AKAP6: variants seen among roughly 807,000 people sequenced by gnomAD.
AKAP6 encodes A-kinase anchoring protein 6.
A neutral mutation model predicts 188.5 loss-of-function variants in AKAP6; 58 were observed. The ratio of observed to expected loss-of-function variants is 0.31; its 90% confidence interval spans 0.25 to 0.38. AKAP6 has a LOEUF of 0.38. AKAP6 is among the 10% of genes least tolerant of loss of function. AKAP6 has a pLI of 1.00. For synonymous variants in AKAP6, 989 were observed against 998.6 expected, an observed-to-expected ratio of 0.99 and a Z score of 0.18; for missense variants, 2,710 against 2,740.0, an observed-to-expected ratio of 0.99 and a Z score of 0.24.
intron 2 of AKAP6, among the ~76,000 whole-genome samples, chr14:32,527,281 T>C (rs1283437625): frequency 6.6e-6 from 1 of 152,224 alleles, no homozygotes; most frequent in African/African-American, 2.4e-5. Flanking sequence ...CTTACTTCTT[T>C]TTAGCACTGA....
intron 11 of AKAP6, among the ~76,000 whole-genome samples, chr14:32,765,625 G>A (rs1421688927): frequency 6.6e-6 from 1 of 151,562 alleles, no homozygotes; most frequent in Non-Finnish European, 1.5e-5. Context: ...CTGATCTGTT[G>A]GCAGAAATAC....
rs150940527 is a variant in AKAP6, at chr14:32,546,057, A to G, written c.1404A>G (p.Glu468=). 37 of 1,614,086 alleles carry G rather than the reference A, an allele frequency of 2.3e-5. No individual in the cohort carries two copies. In the African/African-American group the frequency reaches 4.7e-4, roughly 20 times the overall value. ...CLHKVGNGNL[E]NTVKFHIKEI... ...ACAAGGTGGGGAATGGGAACCTTGAAAACACAGTCAAATTTCACATTAAAG... is the reference window on the plus strand; with the variant it reads ...ACAAGGTGGGGAATGGGAACCTTGAGAACACAGTCAAATTTCACATTAAAG... Residue 468 remains glutamate (E), a synonymous_variant, in exon 4 of 14, where the codon GAA becomes GAG. Transcript: ENST00000280979.
At chr14:32,648,140 T>C (rs75888435) in intron 7 of AKAP6, among the ~76,000 whole-genome samples, 1 of 152,212 alleles carries the variant, frequency 6.6e-6, no homozygotes, top group African/African-American at 2.4e-5. Context: ...ACTTCAGCAA[T>C]TTCCAGCTAT....
chr14:32,472,266 C>A (rs1175196651), intron 2 of AKAP6, among the ~76,000 whole-genome samples: 1 of 152,034 alleles, frequency 6.6e-6, no homozygotes, highest in Non-Finnish European at 1.5e-5. Flanking sequence ...GGAAAGCTCC[C>A]AGGGAAGGGC....
At chr14:32,441,766 A>G (rs1890584318) in intron 2 of AKAP6, among the ~76,000 whole-genome samples, 2 of 152,222 alleles carry the variant, frequency 1.3e-5, no homozygotes, top group South Asian at 4.1e-4. Context: ...CAGATTGTAT[A>G]GCTGTGTAAT....
At chr14:32,569,399 C>G (rs1884360360) in intron 4 of AKAP6, among the ~76,000 whole-genome samples, 1 of 152,170 alleles carries the variant, frequency 6.6e-6, no homozygotes, top group Non-Finnish European at 1.5e-5. Context: ...TAAAAGCATA[C>G]ACGATCTTTC....
chr14:32,436,480 A>C (rs1890381954), intron 2 of AKAP6, among the ~76,000 whole-genome samples: 1 of 152,136 alleles, frequency 6.6e-6, no homozygotes. Flanking sequence ...CATCTCCAAA[A>C]TATGCCCTAA....
At chr14:32,369,353 A>G (rs1316507506) in intron 1 of AKAP6, among the ~76,000 whole-genome samples, 2 of 152,250 alleles carry the variant, frequency 1.3e-5, no homozygotes, top group East Asian at 1.9e-4. Context: ...AGACAAAGTC[A>G]TTAGATGTGT....
At chr14:32,805,416 G>A (rs780193955) in intron 12 of AKAP6, among the ~76,000 whole-genome samples, 56 of 152,162 alleles carry the variant, frequency 3.7e-4, no homozygotes, top group Admixed American at 9.8e-4. Context: ...GTCATCCTGC[G>A]TGTAGGAGGA....
chr14:32,667,193 A>G (rs1888980859), intron 7 of AKAP6, among the ~76,000 whole-genome samples: 1 of 152,138 alleles, frequency 6.6e-6, no homozygotes, highest in Admixed American at 6.6e-5. Flanking sequence ...GGAGTGTTTA[A>G]CTTTTAATAG....
chr14:32,557,758 G>A (rs1883754937), intron 4 of AKAP6, among the ~76,000 whole-genome samples: 1 of 152,118 alleles, frequency 6.6e-6, no homozygotes, highest in Non-Finnish European at 1.5e-5. Context: ...TTCATTCACA[G>A]TTGCTAGTCC....
At chr14:32,369,995 C>T (rs1887957464) in intron 1 of AKAP6, among the ~76,000 whole-genome samples, 1 of 152,204 alleles carries the variant, frequency 6.6e-6, no homozygotes, top group Admixed American at 6.5e-5. Flanking sequence ...CGCGCCATTG[C>T]ACTCCAGCCT....
intron 1 of AKAP6, among the ~76,000 whole-genome samples, chr14:32,341,697 C>T (rs561280562): frequency 6.6e-6 from 1 of 152,206 alleles, no homozygotes; most frequent in Non-Finnish European, 1.5e-5. Context: ...GAAGAATGCC[C>T]CTGGCTCCCA....
chr14:32,669,415 G>C (rs1298047511), intron 7 of AKAP6, among the ~76,000 whole-genome samples: 6 of 152,154 alleles, frequency 3.9e-5, no homozygotes, highest in Non-Finnish European at 1.5e-5. Context: ...AATGCCTGTA[G>C]AGAGTTTGTT....
At chr14:32,659,331 G>T (rs971076099) in intron 7 of AKAP6, among the ~76,000 whole-genome samples, 1 of 152,110 alleles carries the variant, frequency 6.6e-6, no homozygotes, top group African/African-American at 2.4e-5. Context: ...ATGTGTTTGT[G>T]CTGTCAGGGA....
intron 2 of AKAP6, among the ~76,000 whole-genome samples, chr14:32,524,386 A>G (rs1017250554): frequency 3.3e-5 from 5 of 152,138 alleles, no homozygotes; most frequent in African/African-American, 1.2e-4. Context: ...GGTTGTTACA[A>G]GAGTGTTTTC....
chr14:32,810,842 T>A (rs2034205685), intron 12 of AKAP6, among the ~76,000 whole-genome samples: 2 of 152,108 alleles, frequency 1.3e-5, no homozygotes, highest in South Asian at 4.1e-4. Context: ...CTTAAGAAAA[T>A]GACTCATAGC....
rs1021070452 is a variant in AKAP6 at position 32,834,573 on chromosome 14, C to G, written c.*4768C>G. ...TTTTTTTAAATCTTGCATAGTTTCCCTGTGCTTTTACTCTATTTTTCTTTG... is the reference window on the plus strand; with the variant it reads ...TTTTTTTAAATCTTGCATAGTTTCCGTGTGCTTTTACTCTATTTTTCTTTG... On this transcript the variant is annotated 3_prime_UTR_variant, in exon 14 of 14. Coordinates refer to ENST00000280979, the MANE Select transcript of AKAP6 (RefSeq NM_004274.5). 7.5e-6 allele frequency: 1 copy of G among 133,654 alleles called. No homozygotes were observed. The highest frequency in any genetic ancestry group is 7.9e-5 in the Admixed American group (1 of 12,690). 8.3% of individuals were successfully genotyped at this position (133,654 alleles called of 1,614,324 possible). A position where few individuals can be genotyped will look rare whatever the true frequency, so the allele number is the denominator to read the frequency against.
At chr14:32,438,459 A>G (rs1890461224) in intron 2 of AKAP6, among the ~76,000 whole-genome samples, 1 of 152,094 alleles carries the variant, frequency 6.6e-6, no homozygotes, top group Non-Finnish European at 1.5e-5. Flanking sequence ...CCCAGAGACC[A>G]CTCTTATCTC....
Sources: gnomAD v4.1 joint callset for allele counts (sites outside exome capture counted in the v4.1 genomes callset) on GRCh38, gnomAD v4.1.1 for gene constraint, MANE v1.5 for transcripts, NCBI Gene and HGNC (gene_info 2026-07-23, HGNC 2026-07-21) for gene names.